Variants in SBNO2 observed in about 807,000 individuals in gnomAD.
SBNO2 encodes protein strawberry notch homolog 2.
In SBNO2, 89 loss-of-function variants were observed where a neutral mutation model predicts 146.3. The ratio of observed to expected loss-of-function variants is 0.61; its 90% CI spans 0.51 to 0.73. SBNO2 has a LOEUF of 0.73. Among genes scored for constraint, SBNO2 ranks in the 30% least tolerant of loss-of-function variants. SBNO2 has a pLI of 0.00. For missense variants in SBNO2, 2,092 were observed against 2,003.7 expected, an observed-to-expected ratio of 1.04 and a Z score of -0.84; for synonymous variants, 1,147 against 892.6, an observed-to-expected ratio of 1.29 and a Z score of -5.08.
At chr19:1,119,876 G>C in intron 12 of SBNO2, 30 bp downstream of exon 12, 5 of 1,477,730 alleles carry the variant, frequency 3.4e-6, no homozygotes, top group Non-Finnish European at 4.6e-6. Context: ...GCTGCTGCGG[G>C]TGGGTCACGT....
At chr19:1,160,428 C>A (rs1055360303) in intron 1 of SBNO2, among the ~76,000 whole-genome samples, 1 of 152,198 alleles carries the variant, frequency 6.6e-6, no homozygotes, top group African/African-American at 2.4e-5. Flanking sequence ...GGCCGCCTGG[C>A]TGCAGTGAGT....
rs1246769406 is a variant in SBNO2, at chr19:1,157,125, G to C, written c.-126-2723C>G. Among the ~76,000 whole-genome samples the C allele has an allele frequency of 6.6e-6, 1 of 151,954 alleles. No homozygotes were observed. Among genetic ancestry groups the C allele is most frequent in the Non-Finnish European group, 1.5e-5 (1 of 67,956 alleles). On this transcript the variant is annotated intron_variant, in intron 1 of 31. Transcript: ENST00000361757. The surrounding 1 kb of genome is among the most constrained non-coding windows in gnomAD (Gnocchi z 6.8). ...GCCTGCAGACTCGGTCCTGTCCGAGGGCCCACGCCCCCAAGGGCTGGCTCC... is the reference window on the plus strand; with the variant it reads ...GCCTGCAGACTCGGTCCTGTCCGAGCGCCCACGCCCCCAAGGGCTGGCTCC...
Position 1,122,958 on chromosome 19 carries a change from G to A in SBNO2, c.716C>T (p.Ala239Val), listed in dbSNP as rs1246730865. 2 of 1,568,028 alleles carry A rather than the reference G, an allele frequency of 1.3e-6. No individual in the cohort carries two copies. The highest frequency in any genetic ancestry group is 2.4e-5 in the East Asian group (1 of 42,196). The change falls in exon 8 of 32, where the codon GCC (alanine) becomes GTC (valine). Residue 239 changes from alanine to valine, a missense_variant. Ala to Val is a moderately conservative substitution (Grantham distance 64). Transcript: ENST00000361757. ...VPPPDITYTL[A>V]LPSDSGALSA... is the part of the protein sequence containing the mutation. ...CAGGGCCCCGCTGTCCGAGGGCAGGGCCAGGGTGTAGGTGATGTCTGGGGG... is the reference window on the plus strand; with the variant it reads ...CAGGGCCCCGCTGTCCGAGGGCAGGACCAGGGTGTAGGTGATGTCTGGGGG...
rs2079701014 is a variant in SBNO2, at chr19:1,108,420, C to T, written c.3901G>A (p.Ala1301Thr). ...TCGCAGCCCTGGTGCGCGAGGGCCG[C>T]AGGGTCGGCCTGGGCGTCGGGGGTG... ...LGTPDAQADPAALAHQGCDIN... is the reference protein window; with the variant it reads ...LGTPDAQADPTALAHQGCDIN... The change falls in exon 32 of 32, where the codon GCG (alanine) becomes ACG (threonine). Residue 1301 changes from alanine to threonine, a missense_variant. Ala to Thr is a moderately conservative substitution (Grantham distance 58). Coordinates refer to ENST00000361757, the MANE Select transcript of SBNO2 (RefSeq NM_014963.3). 3.2e-6 allele frequency: 4 copies of T among 1,265,014 alleles called. No individual in the cohort carries two copies. The highest frequency in any genetic ancestry group is 2.0e-5 in the South Asian group (1 of 50,774). 78.4% of individuals were successfully genotyped at this position (1,265,014 alleles called of 1,614,324 possible).
At chr19:1,172,778 G>GCCCCCCCCCCCCCCCCCCCAACCCC (rs201804891) in intron 1 of SBNO2, among the ~76,000 whole-genome samples, 1 of 36,302 alleles carries the variant, frequency 2.8e-5, no homozygotes, top group South Asian at 1.2e-3. Flanking sequence ...CACTGCAACC[G>GCCCCCCCCCCCCCCCCCCCAACCCC]CCCCCCCCGC....
intron 1 of SBNO2, among the ~76,000 whole-genome samples, chr19:1,159,991 G>A (rs968365838): frequency 6.6e-6 from 1 of 152,068 alleles, no homozygotes; most frequent in African/African-American, 2.4e-5. Flanking sequence ...GCCCACGCCA[G>A]TGCTGCTCTC....
chr19:1,148,357 C>T (rs2080213916), intron 3 of SBNO2, among the ~76,000 whole-genome samples: 1 of 152,020 alleles, frequency 6.6e-6, no homozygotes, highest in African/African-American at 2.4e-5. Flanking sequence ...AAGGCTCTGG[C>T]TATACCTGCT....
chr19:1,172,688 G>C (rs1333165612), intron 1 of SBNO2, among the ~76,000 whole-genome samples: 1 of 151,942 alleles, frequency 6.6e-6, no homozygotes, highest in Non-Finnish European at 1.5e-5. Context: ...GCTGCCCACG[G>C]GGTCTGCGGC....
chr19:1,109,688 A>G lies in SBNO2; in HGVS notation c.3118T>C (p.Tyr1040His), dbSNP rs761678389. ...CTGTGGGGCTTCCTGCTGACCTTGT[A>G]GAAGACCACCTGCCCGTCCTGCGGG... Reference protein sequence around the residue: ...GHPQDGQVVFYKISVDRGLKW... With the variant: ...GHPQDGQVVFHKISVDRGLKW... Residue 1040 changes from tyrosine to histidine, a missense_variant, in exon 27 of 32, where the codon TAC becomes CAC. Physicochemically the swap from Tyr to His is moderately conservative, Grantham distance 83 (BLOSUM62 2). Coordinates refer to ENST00000361757, the MANE Select transcript of SBNO2 (RefSeq NM_014963.3). This position sits in a 1 kb window ranked among gnomAD's most constrained non-coding sequence, Gnocchi z 4.2. 10 of 1,607,354 alleles carry G rather than the reference A, an allele frequency of 6.2e-6. No homozygotes were observed. The highest frequency in any genetic ancestry group is 8.5e-6 in the Non-Finnish European group (10 of 1,176,686).
chr19:1,167,932 C>T (rs1242790573), intron 1 of SBNO2, among the ~76,000 whole-genome samples: 2 of 152,180 alleles, frequency 1.3e-5, no homozygotes, highest in Non-Finnish European at 2.9e-5. Flanking sequence ...GGATGAGGAG[C>T]TCGAGTATCC....
chr19:1,142,890 C>G (rs138365420), intron 4 of SBNO2, among the ~76,000 whole-genome samples: 395 of 152,010 alleles, frequency 2.6e-3, no homozygotes, highest in African/African-American at 9.1e-3. Context: ...TCGCTTGAAC[C>G]CGCCAGGCAG....
chr19:1,159,436 G>A (rs1455514401), intron 1 of SBNO2, among the ~76,000 whole-genome samples: 3 of 141,966 alleles, frequency 2.1e-5, no homozygotes, highest in Non-Finnish European at 4.6e-5. Flanking sequence ...GAGACCTTGG[G>A]GGGACGGGGG....
At chr19:1,163,886 G>C (rs1017366239) in intron 1 of SBNO2, among the ~76,000 whole-genome samples, 1 of 152,216 alleles carries the variant, frequency 6.6e-6, no homozygotes, top group Non-Finnish European at 1.5e-5. Flanking sequence ...CGGTTGCCTG[G>C]AGGTGGAAGG....
intron 4 of SBNO2, among the ~76,000 whole-genome samples, chr19:1,141,782 C>T (rs913072058): frequency 2.6e-5 from 4 of 151,976 alleles, no homozygotes; most frequent in African/African-American, 7.3e-5. Flanking sequence ...CCACCATGCC[C>T]GACTAATTTT....
Position 1,114,251 on chromosome 19 carries a change from C to T in SBNO2, c.2057G>A (p.Gly686Glu). ...CTCACCCCGGTCGTCACTGGGGAGC[C>T]CGACTGCATCAACGATGACAACGTC... The part of the protein sequence containing the change: ...DDDVVIVDAV[G>E]LPSDDRGPLC... Residue 686 changes from glycine (G) to glutamate (E), a missense_variant, in exon 18 of 32, where the codon GGG becomes GAG. Coordinates refer to ENST00000361757, the MANE Select transcript of SBNO2 (RefSeq NM_014963.3). 2 of 1,530,350 alleles carry T rather than the reference C, an allele frequency of 1.3e-6. No homozygotes were observed. The highest frequency in any genetic ancestry group is 2.4e-5 in the South Asian group (2 of 82,000). 94.8% of individuals were successfully genotyped at this position (1,530,350 alleles called of 1,614,324 possible).
intron 1 of SBNO2, among the ~76,000 whole-genome samples, chr19:1,171,170 A>G (rs1411924785): frequency 6.6e-6 from 1 of 151,850 alleles, no homozygotes; most frequent in Non-Finnish European, 1.5e-5. Context: ...CGTATGAAAC[A>G]CACGAGCAAC....
Position 1,119,025 on chromosome 19 carries a change from G to T in SBNO2, c.1513C>A (p.Arg505Ser), listed in dbSNP as rs1342345824. 1.3e-6 allele frequency: 2 copies of T among 1,598,160 alleles called. No homozygotes were observed. The highest frequency in any genetic ancestry group is 2.7e-5 in the African/African-American group (2 of 74,834). The part of the protein sequence containing the change: ...LAPAFECVYN[R>S]AALLWAEALN... The stretch of plus-strand genomic sequence containing the variant: ...CGCAGGCTCACCAGCAGGGCCGCGC[G>T]GTTGTAGACGCACTCGAAGGCTGGG... Residue 505 changes from arginine (R) to serine (S), a missense_variant, in exon 14 of 32, where the codon CGC (arginine) becomes AGC (serine). By Grantham distance (110) the Arg-to-Ser change is moderately radical. Coordinates refer to ENST00000361757, the MANE Select transcript of SBNO2 (RefSeq NM_014963.3).
chr19:1,120,388 A>G (rs79602934), intron 11 of SBNO2, among the ~76,000 whole-genome samples: 2 of 152,146 alleles, frequency 1.3e-5, no homozygotes, highest in Non-Finnish European at 2.9e-5. Flanking sequence ...TTTTTTTGAG[A>G]CAGGGTCTTG....
chr19:1,163,497 G>A (rs1235828822), intron 1 of SBNO2, among the ~76,000 whole-genome samples: 1 of 152,204 alleles, frequency 6.6e-6, no homozygotes, highest in Admixed American at 6.5e-5. Context: ...GTCCAGGGAG[G>A]AGGCTGCTCC....
Sources: allele counts gnomAD v4.1 joint callset (sites outside exome capture counted in the v4.1 genomes callset), GRCh38; gene constraint gnomAD v4.1.1; non-coding constraint Gnocchi (gnomAD v3.1); transcripts MANE v1.5; gene names NCBI Gene and HGNC (gene_info 2026-07-23, HGNC 2026-07-21).